Variants in NAA60 observed in about 807,000 individuals in gnomAD.
The protein encoded by NAA60 is N-alpha-acetyltransferase 60, NatF catalytic subunit.
NAA60 carries 8 observed loss-of-function variants against 26.1 expected under a neutral mutation model. The observed-to-expected ratio is 0.31, with a 90% CI of 0.18 to 0.55. The LOEUF is 0.55. NAA60 is among the 20% of genes least tolerant of loss of function. The probability of loss-of-function intolerance (pLI) is 0.93; values close to 1 mark genes in which losing one functional copy is unlikely to be tolerated. For synonymous variants in NAA60, 131 were observed against 122.5 expected (o/e 1.07, Z -0.46); for missense variants, 290 against 311.3 (o/e 0.93, Z 0.51).
chr16:3,444,421 G>A (rs1297910111), intron 1 of NAA60, among the ~76,000 whole-genome samples: 1 of 152,076 alleles, frequency 6.6e-6, no homozygotes, highest in Non-Finnish European at 1.5e-5. Context: ...GTAAGTGAAA[G>A]AAATTGCCAG....
intron 3 of NAA60, among the ~76,000 whole-genome samples, chr16:3,477,821 T>G (rs1051826707): frequency 1.3e-5 from 2 of 152,120 alleles, no homozygotes; most frequent in Non-Finnish European, 2.9e-5. Flanking sequence ...ATCCCAGCAC[T>G]TTGGGAGGCC....
At chr16:3,448,720 GA>G in intron 2 of NAA60, 180 bp downstream of exon 2, 1 of 566,284 alleles carries the variant, frequency 1.8e-6, no homozygotes, top group East Asian at 3.0e-5. Context: ...GAGGGTAAAT[GA>G]GTATATTCTT....
rs552901513 is a variant in NAA60, at chr16:3,485,657, C to G, written c.*397C>G. 25 of 456,588 alleles carry G rather than the reference C, an allele frequency of 5.5e-5. No individual in the cohort carries two copies. The highest frequency in any genetic ancestry group is 2.0e-4 in the South Asian group (13 of 64,582). 28.3% of individuals were successfully genotyped at this position (456,588 alleles called of 1,614,324 possible). ...TTCCTGGAAAGCTGGAGGGGACTTT[C>G]TCCTGCAAGGGAGGAACGCAAGTAT... On this transcript the variant is annotated 3_prime_UTR_variant, in exon 8 of 8. Transcript: ENST00000407558.
chr16:3,447,834 G>C (rs1345205096), intron 1 of NAA60, among the ~76,000 whole-genome samples: 1 of 152,126 alleles, frequency 6.6e-6, no homozygotes, highest in Non-Finnish European at 1.5e-5. Flanking sequence ...GTTTCATTTA[G>C]CCTTGAGTTG....
chr16:3,458,233 A>C (rs2035115091), intron 2 of NAA60: 36 of 489,050 alleles, frequency 7.4e-5, no homozygotes, highest in Middle Eastern at 1.0e-3. Flanking sequence ...CGGGGCGCCG[A>C]GGGGGCGGGG....
At chr16:3,448,035 G>A (rs2034623600) in intron 1 of NAA60, among the ~76,000 whole-genome samples, 1 of 152,106 alleles carries the variant, frequency 6.6e-6, no homozygotes, top group Non-Finnish European at 1.5e-5. Flanking sequence ...ATCGTTACTA[G>A]AAGCTGCAAC....
At chr16:3,481,883 C>A (rs370616460) in intron 4 of NAA60, among the ~76,000 whole-genome samples, 1 of 152,114 alleles carries the variant, frequency 6.6e-6, no homozygotes, top group African/African-American at 2.4e-5. Context: ...TTGTTCTTTA[C>A]GAGTTGGAAG....
chr16:3,481,334 C>T (rs1174018029), intron 4 of NAA60, among the ~76,000 whole-genome samples: 3 of 152,196 alleles, frequency 2.0e-5, no homozygotes, highest in Non-Finnish European at 4.4e-5. Flanking sequence ...AAGTGATCCG[C>T]CTGCCTCGCG....
intron 2 of NAA60, chr16:3,472,025 G>C (rs1314460246): frequency 2.0e-5 from 3 of 152,256 alleles, no homozygotes; most frequent in Non-Finnish European, 4.4e-5. Flanking sequence ...TTAGGGGAAA[G>C]GGGGTGGGAG....
chr16:3,467,049 G>C (rs1020271048), intron 2 of NAA60, among the ~76,000 whole-genome samples: 2 of 152,098 alleles, frequency 1.3e-5, no homozygotes, highest in Non-Finnish European at 2.9e-5. Flanking sequence ...TCAGAGGTGC[G>C]GAAAGCCTGA....
At chr16:3,454,424 G>C (rs1186039939) in intron 2 of NAA60, among the ~76,000 whole-genome samples, 1 of 152,210 alleles carries the variant, frequency 6.6e-6, no homozygotes, top group African/African-American at 2.4e-5. Flanking sequence ...CTTAGAGCCA[G>C]AGGGAGAAGG....
chr16:3,444,237 G>C (rs544495000), intron 1 of NAA60, among the ~76,000 whole-genome samples: 9 of 152,206 alleles, frequency 5.9e-5, no homozygotes, highest in African/African-American at 2.2e-4. Flanking sequence ...TGGGGGAGGA[G>C]GGAGTGCCCT....
rs374325309 is a variant in NAA60 at position 3,446,858 on chromosome 16, A to C, written c.-76-1613A>C. ...ACTCCTGGCCTCAAGTGATCCGCCC[A>C]TGTCAGCCTCCCAAAGTGCTGGGAT... On this transcript the variant is annotated intron_variant, in intron 1 of 7. Coordinates refer to ENST00000407558, the MANE Select transcript of NAA60 (RefSeq NM_001083601.3). Among the ~76,000 whole-genome samples the C allele has an allele frequency of 3.3e-5, 5 of 151,626 alleles. No individual in the cohort carries two copies. In the East Asian group the frequency reaches 9.8e-4, roughly 30 times the overall value.
chr16:3,464,391 G>A (rs987084751), intron 2 of NAA60, among the ~76,000 whole-genome samples: 3 of 152,144 alleles, frequency 2.0e-5, no homozygotes, highest in African/African-American at 7.2e-5. Flanking sequence ...AAAGCAAAAA[G>A]GCAACAAAAC....
chr16:3,443,685 T>A lies in NAA60; in HGVS notation c.-229T>A, dbSNP rs2034433259. ...TTTTCTCTAAGCAACCATTTCCGCT[T>A]CCGCTGGCGGGGTCTCCTCCGTGAG... On this transcript the variant is annotated 5_prime_UTR_variant, in exon 1 of 8. Transcript: ENST00000407558. 1 of 1,395,318 alleles carries A rather than the reference T, an allele frequency of 7.2e-7. No homozygotes were observed. The allele number at this position is 1,395,318 out of a possible 1,614,324, so 86.4% of individuals were successfully genotyped here. A position where few individuals can be genotyped will look rare whatever the true frequency, so the allele number is the denominator to read the frequency against.
At chr16:3,459,514 C>T (rs142061625) in intron 2 of NAA60, among the ~76,000 whole-genome samples, 1 of 152,340 alleles carries the variant, frequency 6.6e-6, no homozygotes, top group African/African-American at 2.4e-5. Context: ...TCTTTCCAAA[C>T]AGACAGGTTC....
intron 2 of NAA60, among the ~76,000 whole-genome samples, chr16:3,471,173 A>G (rs1019761539): frequency 5.3e-5 from 8 of 152,172 alleles, no homozygotes; most frequent in African/African-American, 1.9e-4. Flanking sequence ...TTTGGTACCA[A>G]GCCACAATAT....
Position 3,476,217 on chromosome 16 carries a change from C to T in NAA60, c.-6-5C>T. On this transcript the variant is annotated splice_polypyrimidine_tract_variant and splice_region_variant and intron_variant, in intron 2 of 7. Coordinates refer to ENST00000407558, the MANE Select transcript of NAA60 (RefSeq NM_001083601.3). ...GTGACGCGTCCCCCCCACCCTTCCCCACAGGTGTGAATGACAGAGGTGGTG... is the reference window on the plus strand; with the variant it reads ...GTGACGCGTCCCCCCCACCCTTCCCTACAGGTGTGAATGACAGAGGTGGTG... The T allele has an allele frequency of 1.2e-6, 2 of 1,605,738 alleles. No individual in the cohort carries two copies. Among genetic ancestry groups the T allele is most frequent in the Non-Finnish European group, 1.7e-6 (2 of 1,174,956 alleles).
intron 6 of NAA60, 133 bp from the exon 7 acceptor site, chr16:3,484,566 A>C: frequency 8.5e-7 from 1 of 1,180,298 alleles, no homozygotes; most frequent in Non-Finnish European, 1.2e-6. Flanking sequence ...GCAGAGGCTT[A>C]GCGGGCTCTC....
Sources: gnomAD v4.1 joint callset for allele counts (sites outside exome capture counted in the v4.1 genomes callset) on GRCh38, gnomAD v4.1.1 for gene constraint, MANE v1.5 for transcripts, NCBI Gene and HGNC (gene_info 2026-07-23, HGNC 2026-07-21) for gene names.